GRID1: variants seen among roughly 807,000 people sequenced by gnomAD.
The protein encoded by GRID1 is glutamate ionotropic receptor delta type subunit 1.
In GRID1, 28 loss-of-function variants were observed where a neutral mutation model predicts 98.0. The ratio of observed to expected loss-of-function variants is 0.29; its 90% CI spans 0.21 to 0.39. The LOEUF (loss-of-function observed/expected upper bound fraction) is 0.39, where lower values mean the gene tolerates loss of function less well. Ranked by LOEUF, GRID1 falls within the 10% of genes least tolerant of loss-of-function variation. GRID1 has a pLI of 1.00. For missense variants in GRID1, 1,111 were observed against 1,340.5 expected, an observed-to-expected ratio of 0.83 and a Z score of 2.67; for synonymous variants, 553 against 538.5, an observed-to-expected ratio of 1.03 and a Z score of -0.37.
intron 2 of GRID1, among the ~76,000 whole-genome samples, chr10:86,224,729 G>A (rs1846313239): frequency 6.6e-6 from 1 of 152,126 alleles, no homozygotes; most frequent in Non-Finnish European, 1.5e-5. Flanking sequence ...CAGAGCACTG[G>A]CCACTAAAAT....
rs565538026 is a variant in GRID1 at position 86,340,742 on chromosome 10, C to T, written c.235+23199G>A. ...GAAGGAAAAAGGCAAGATGGCCCTG[C>T]CTGCTGAAGTCCCCATGGCAGCCAG... On this transcript the variant is annotated intron_variant, in intron 2 of 15. Transcript: ENST00000327946. 3.7e-4 allele frequency among the ~76,000 whole-genome samples: 57 copies of T among 152,162 alleles called. 1 individual carries two copies. Among genetic ancestry groups the T allele is most frequent in the Admixed American group, 2.4e-3 (36 of 15,280 alleles).
intron 4 of GRID1, among the ~76,000 whole-genome samples, chr10:85,949,110 G>C (rs1008694734): frequency 1.3e-5 from 2 of 152,120 alleles, no homozygotes; most frequent in Non-Finnish European, 2.9e-5. Flanking sequence ...AGGGTACTCT[G>C]ACAGGTGTGG....
chr10:86,288,369 G>A (rs1847465348), intron 2 of GRID1, among the ~76,000 whole-genome samples: 1 of 152,234 alleles, frequency 6.6e-6, no homozygotes, highest in South Asian at 2.1e-4. Context: ...TGTTTGGACA[G>A]TGTGTGATCA....
intron 3 of GRID1, among the ~76,000 whole-genome samples, chr10:86,201,666 A>G (rs929567414): frequency 3.3e-5 from 5 of 150,580 alleles, no homozygotes; most frequent in African/African-American, 1.2e-4. Flanking sequence ...ACAAACTTGC[A>G]CTTGTACCAC....
chr10:85,877,039 G>A (rs1048118482), intron 5 of GRID1, among the ~76,000 whole-genome samples: 27 of 152,236 alleles, frequency 1.8e-4, no homozygotes, highest in African/African-American at 6.5e-4. Flanking sequence ...CTGCAAGGCG[G>A]CAGTAAGGCT....
rs1392760617 is a variant in GRID1 at position 85,829,733 on chromosome 10, A to G, written c.1233+24763T>C. Among the ~76,000 whole-genome samples, 4 of 152,106 alleles carry G rather than the reference A, an allele frequency of 2.6e-5. No homozygotes were observed. The East Asian group carries it at 7.7e-4, about 29-fold the overall frequency. ...CAAAAGAATAAAATACCTAGAAATAAAGCTAACTAAAGAGGTGAAAGATTT... is the reference window on the plus strand; with the variant it reads ...CAAAAGAATAAAATACCTAGAAATAGAGCTAACTAAAGAGGTGAAAGATTT... On this transcript the variant is annotated intron_variant, in intron 8 of 15. Transcript: ENST00000327946.
chr10:85,943,883 G>A (rs1314848747), intron 4 of GRID1, among the ~76,000 whole-genome samples: 1 of 152,228 alleles, frequency 6.6e-6, no homozygotes, highest in Admixed American at 6.5e-5. Context: ...CAAGCCCGGA[G>A]TCTGGATTGG....
rs111851147 is a variant in GRID1 at position 85,907,675 on chromosome 10, G to T, written c.780+8511C>A. ...AGAATACTTCCCAACTTACTTTTGA[G>T]GCCAGCATTATGCCAATGCCAAAAC... On this transcript the variant is annotated intron_variant, in intron 5 of 15. Transcript: ENST00000327946. 4.3e-3 allele frequency among the ~76,000 whole-genome samples: 649 copies of T among 151,950 alleles called. 4 individuals carry two copies. The highest frequency in any genetic ancestry group is 0.015 in the African/African-American group (614 of 41,468).
chr10:86,349,368 A>G (rs772203090), intron 2 of GRID1, among the ~76,000 whole-genome samples: 90 of 152,120 alleles, frequency 5.9e-4, no homozygotes, highest in Non-Finnish European at 1.1e-3. Flanking sequence ...GTGAGCTTCT[A>G]TTTCTTCTGC....
chr10:86,349,897 T>C (rs1246257162), intron 2 of GRID1, among the ~76,000 whole-genome samples: 1 of 152,204 alleles, frequency 6.6e-6, no homozygotes, highest in African/African-American at 2.4e-5. Context: ...ACAAACCTGA[T>C]GGCCCTCACA....
chr10:85,913,556 G>A (rs1311390367), intron 5 of GRID1, among the ~76,000 whole-genome samples: 1 of 152,222 alleles, frequency 6.6e-6, no homozygotes, highest in Non-Finnish European at 1.5e-5. Context: ...TTGGGAGGCT[G>A]AGGAGGGCAG....
At chr10:85,638,861 C>G (rs187725694) in intron 13 of GRID1, among the ~76,000 whole-genome samples, 29 of 152,222 alleles carry the variant, frequency 1.9e-4, no homozygotes, top group African/African-American at 7.0e-4. Flanking sequence ...CAAAGAGAAG[C>G]AAATTAAAAT....
intron 3 of GRID1, among the ~76,000 whole-genome samples, chr10:86,174,383 C>A (rs989449713): frequency 2.0e-5 from 3 of 151,960 alleles, no homozygotes; most frequent in Non-Finnish European, 4.4e-5. Context: ...GAAAAACAAG[C>A]AATGGGGAAA....
intron 12 of GRID1, among the ~76,000 whole-genome samples, chr10:85,695,233 T>G (rs1455378078): frequency 6.6e-6 from 1 of 152,184 alleles, no homozygotes; most frequent in Non-Finnish European, 1.5e-5. Flanking sequence ...TTGCCTTCCT[T>G]AAGAACTCAG....
At position 85,968,450 on chromosome 10, in the gene GRID1, CAA is replaced by C. The variant is rs56938729; in HGVS notation, c.727-52213_727-52212del. 4.0e-3 allele frequency among the ~76,000 whole-genome samples: 406 copies of C among 102,414 alleles called. 4 individuals are homozygous for C. Among genetic ancestry groups the C allele is most frequent in the South Asian group, 0.012 (38 of 3,066 alleles). 67.2% of individuals were successfully genotyped at this position (102,414 alleles called of 152,430 possible). A position where few individuals can be genotyped will look rare whatever the true frequency, so the allele number is the denominator to read the frequency against. On this transcript the variant is annotated intron_variant, in intron 4 of 15. Transcript: ENST00000327946. ...TGGACGACACAGCAAGACTCTGTCT[CAA>C]AAAAAAAAAAAAAAAAAAGACAACT...
chr10:85,975,694 G>A (rs1341711086), intron 4 of GRID1, among the ~76,000 whole-genome samples: 2 of 152,010 alleles, frequency 1.3e-5, no homozygotes, highest in Non-Finnish European at 2.9e-5. Flanking sequence ...ATGGTCAAGG[G>A]GTCTCCAAGT....
intron 4 of GRID1, among the ~76,000 whole-genome samples, chr10:86,076,553 C>A (rs1171089154): frequency 6.6e-6 from 1 of 152,206 alleles, no homozygotes; most frequent in Non-Finnish European, 1.5e-5. Flanking sequence ...ATGGCGGAAG[C>A]TGGCAAGTCC....
intron 8 of GRID1, among the ~76,000 whole-genome samples, chr10:85,844,420 T>TACAC (rs55706189): frequency 0.021 from 2,774 of 133,790 alleles, 50 homozygotes; most frequent in African/African-American, 0.028. Context: ...TACAACTAAA[T>TACAC]ACACACACAC....
chr10:85,933,142 C>G (rs1177164056), intron 4 of GRID1, among the ~76,000 whole-genome samples: 1 of 152,104 alleles, frequency 6.6e-6, no homozygotes, highest in African/African-American at 2.4e-5. Context: ...CTCTTGCTCT[C>G]CTGCTCACTC....
Sources: allele counts gnomAD v4.1 joint callset (sites outside exome capture counted in the v4.1 genomes callset), GRCh38; gene constraint gnomAD v4.1.1; transcripts MANE v1.5; gene names NCBI Gene and HGNC (gene_info 2026-07-23, HGNC 2026-07-21).